Variants in KALRN observed in about 807,000 individuals in gnomAD.
KALRN encodes the protein kalirin RhoGEF kinase.
KALRN carries 70 observed loss-of-function variants against 353.7 expected under a neutral mutation model. The observed-to-expected ratio is 0.20, with a 90% CI of 0.16 to 0.24. The LOEUF is 0.24. Among genes scored for constraint, KALRN ranks in the 10% least tolerant of loss-of-function variants. The pLI, the probability that KALRN is intolerant of heterozygous loss-of-function variation, is 1.00. For missense variants in KALRN, 2,791 were observed against 3,756.7 expected (o/e 0.74, Z 6.72); for synonymous variants, 1,391 against 1,434.8 (o/e 0.97, Z 0.69).
At chr3:124,297,593 G>A (rs2076945704) in intron 5 of KALRN, among the ~76,000 whole-genome samples, 1 of 152,240 alleles carries the variant, frequency 6.6e-6, no homozygotes, top group Admixed American at 6.5e-5. Flanking sequence ...TCCCCTTGGG[G>A]AAGAGAAACT....
In KALRN at chr3:124,658,099, G is replaced by A. The variant is rs536279503; in HGVS notation, c.6036+296G>A. On this transcript the variant is annotated intron_variant, in intron 41 of 59. Transcript: ENST00000682506. ...GAGCCTGGGAGGTCAAGACTGCAGT[G>A]AGCCATGATGGCCCCACCCTGCACT... Among the ~76,000 whole-genome samples the A allele has an allele frequency of 5.5e-4, 84 of 152,280 alleles. 1 individual carries two copies. The highest frequency in any genetic ancestry group is 2.6e-3 in the Admixed American group (39 of 15,290).
intron 1 of KALRN, among the ~76,000 whole-genome samples, chr3:124,057,621 C>T (rs1203949883): frequency 2.0e-5 from 3 of 151,958 alleles, no homozygotes. Context: ...TGTGCGCGTG[C>T]CAAACTCCCA....
chr3:124,539,928 G>A (rs9858769), intron 33 of KALRN, among the ~76,000 whole-genome samples: 1 of 150,168 alleles, frequency 6.7e-6, no homozygotes, highest in Admixed American at 6.6e-5. Context: ...TTTTTGGGGG[G>A]GGGGACAGGG....
chr3:124,676,397 G>A (rs2087197595), intron 49 of KALRN, among the ~76,000 whole-genome samples: 1 of 152,068 alleles, frequency 6.6e-6, no homozygotes, highest in African/African-American at 2.4e-5. Context: ...TAACCACAGG[G>A]GTCAGAGTTG....
At chr3:124,306,357 G>C (rs2077698683) in intron 6 of KALRN, among the ~76,000 whole-genome samples, 1 of 152,056 alleles carries the variant, frequency 6.6e-6, no homozygotes, top group Non-Finnish European at 1.5e-5. Context: ...ATTTTTTAGA[G>C]AGGCTCAATG....
At chr3:124,264,793 C>A (rs959389128) in intron 4 of KALRN, 103 bp downstream of exon 4, 1 of 1,003,356 alleles carries the variant, frequency 1.0e-6, no homozygotes, top group Non-Finnish European at 1.5e-6. Context: ...TATGTGACAC[C>A]TCAAGGGCTG....
intron 33 of KALRN, among the ~76,000 whole-genome samples, chr3:124,554,081 C>T (rs561209828): frequency 6.6e-6 from 1 of 152,370 alleles, no homozygotes; most frequent in South Asian, 2.1e-4. Context: ...ACAGGCCAGG[C>T]ACCGTGGCTT....
At chr3:124,473,453 A>G (rs2061139439) in intron 25 of KALRN, among the ~76,000 whole-genome samples, 1 of 152,178 alleles carries the variant, frequency 6.6e-6, no homozygotes, top group Non-Finnish European at 1.5e-5. Context: ...TCCCTGTGGT[A>G]ATGTCTTTTC....
intron 3 of KALRN, among the ~76,000 whole-genome samples, chr3:124,252,383 A>T (rs537149936): frequency 7.9e-4 from 121 of 152,338 alleles, no homozygotes; most frequent in African/African-American, 2.8e-3. Context: ...TTCTAACAGG[A>T]GGAGCTAGCA....
At chr3:124,709,986 A>G (rs2062814363) in intron 57 of KALRN, among the ~76,000 whole-genome samples, 1 of 152,246 alleles carries the variant, frequency 6.6e-6, no homozygotes, top group Non-Finnish European at 1.5e-5. Flanking sequence ...AGCAGTCAAC[A>G]TTACCAGCAA....
At chr3:124,193,500 T>C (rs1447706613) in intron 1 of KALRN, among the ~76,000 whole-genome samples, 3 of 151,696 alleles carry the variant, frequency 2.0e-5, no homozygotes. Context: ...CCCTGAAAGA[T>C]GTACTCTTTT....
At position 124,081,796 on chromosome 3, in the gene KALRN, C is replaced by A. The variant is rs1419182061; in HGVS notation, c.73+47983C>A. ...AACAAAAAACAACTTCAAAAACAAA[C>A]AAACAAAAAACAGCGGTATACTCAC... On this transcript the variant is annotated intron_variant, in intron 1 of 59. Coordinates refer to ENST00000682506, the MANE Select transcript of KALRN (RefSeq NM_001388419.1). 3.3e-5 allele frequency among the ~76,000 whole-genome samples: 5 copies of A among 152,006 alleles called. No homozygotes were observed. In the East Asian group the frequency reaches 9.6e-4, roughly 29 times the overall value.
chr3:124,653,953 G>A (rs2083699330), intron 38 of KALRN, among the ~76,000 whole-genome samples: 1 of 152,208 alleles, frequency 6.6e-6, no homozygotes, highest in South Asian at 2.1e-4. Context: ...TTCAAGGGAA[G>A]AGATGACAGG....
intron 1 of KALRN, among the ~76,000 whole-genome samples, chr3:124,139,743 A>T (rs944884212): frequency 2.0e-5 from 3 of 152,150 alleles, no homozygotes; most frequent in South Asian, 2.1e-4. Flanking sequence ...GGGGGATTGG[A>T]TGTGAGGAGA....
At chr3:124,502,485 C>A (rs912488264) in intron 33 of KALRN, among the ~76,000 whole-genome samples, 1 of 152,126 alleles carries the variant, frequency 6.6e-6, no homozygotes, top group Non-Finnish European at 1.5e-5. Context: ...GTGTCTCCTG[C>A]AGGGAGGAAA....
chr3:124,303,434 C>A (rs1463803534), intron 6 of KALRN, among the ~76,000 whole-genome samples: 1 of 152,094 alleles, frequency 6.6e-6, no homozygotes, highest in African/African-American at 2.4e-5. Context: ...GTTGTGGAAG[C>A]CTTTTGCATA....
At position 124,346,592 on chromosome 3, in the gene KALRN, C is replaced by T. The variant is rs111542208; in HGVS notation, c.1648-551C>T. 1.7e-3 allele frequency among the ~76,000 whole-genome samples: 256 copies of T among 152,238 alleles called. 3 individuals carry two copies. Among genetic ancestry groups the T allele is most frequent in the African/African-American group, 5.8e-3 (242 of 41,540 alleles). ...AAAGAAGCCAGAGGGGGCTCTTGTC[C>T]TAGTGGTCAGATATCATGAGCATCC... On this transcript the variant is annotated intron_variant, in intron 9 of 59. Transcript: ENST00000682506.
chr3:124,175,131 C>A (rs919983127), intron 1 of KALRN, among the ~76,000 whole-genome samples: 1 of 152,232 alleles, frequency 6.6e-6, no homozygotes, highest in South Asian at 2.1e-4. Flanking sequence ...CGTGTGCATC[C>A]AGGAGAGGCT....
intron 1 of KALRN, among the ~76,000 whole-genome samples, chr3:124,194,299 C>A (rs756192021): frequency 6.6e-6 from 1 of 152,138 alleles, no homozygotes; most frequent in Non-Finnish European, 1.5e-5. Context: ...AGTGAGTGAA[C>A]CATGGGCAGG....
Sources: allele counts gnomAD v4.1 joint callset (sites outside exome capture counted in the v4.1 genomes callset), GRCh38; gene constraint gnomAD v4.1.1; transcripts MANE v1.5; gene names NCBI Gene and HGNC (gene_info 2026-07-23, HGNC 2026-07-21).